Variants in CCDC85A observed in about 807,000 individuals in gnomAD.
CCDC85A encodes the protein coiled-coil domain-containing protein 85A.
A neutral mutation model predicts 50.2 loss-of-function variants in CCDC85A; 38 were observed. The observed-to-expected ratio is 0.76, with a 90% CI of 0.58 to 0.99. CCDC85A has a LOEUF of 0.99. Among genes scored for constraint, CCDC85A ranks in the 50% least tolerant of loss-of-function variants. The probability of loss-of-function intolerance (pLI) is 0.00; values close to 1 mark genes in which losing one functional copy is unlikely to be tolerated. For missense variants in CCDC85A, 820 were observed against 742.0 expected (o/e 1.11, Z -1.22); for synonymous variants, 366 against 301.4 (o/e 1.21, Z -2.22).
At chr2:56,225,394 C>T (rs2103919542) in intron 2 of CCDC85A, among the ~76,000 whole-genome samples, 1 of 152,230 alleles carries the variant, frequency 6.6e-6, no homozygotes, top group Non-Finnish European at 1.5e-5. Flanking sequence ...CCACTGCATT[C>T]CATCCTGTGC....
chr2:56,227,353 C>T (rs1668585195), intron 2 of CCDC85A, among the ~76,000 whole-genome samples: 1 of 152,154 alleles, frequency 6.6e-6, no homozygotes, highest in African/African-American at 2.4e-5. Flanking sequence ...CGGAAGGATA[C>T]ATGTTTTCAG....
chr2:56,350,811 T>C (rs1674887802), intron 3 of CCDC85A, among the ~76,000 whole-genome samples: 1 of 151,040 alleles, frequency 6.6e-6, no homozygotes, highest in Non-Finnish European at 1.5e-5. Flanking sequence ...AGCCATCCTA[T>C]TGATAGATAT....
At chr2:56,331,849 A>G (rs1368738308) in intron 2 of CCDC85A, among the ~76,000 whole-genome samples, 1 of 152,234 alleles carries the variant, frequency 6.6e-6, no homozygotes, top group Non-Finnish European at 1.5e-5. Flanking sequence ...ACAGGGCAAC[A>G]CATAGCTTTG....
intron 2 of CCDC85A, among the ~76,000 whole-genome samples, chr2:56,276,032 AAAG>A (rs773022692): frequency 6.6e-6 from 1 of 152,150 alleles, no homozygotes; most frequent in Admixed American, 6.5e-5. Context: ...TTGGCTCAAG[AAAG>A]AAGGATTTCA....
intron 3 of CCDC85A, among the ~76,000 whole-genome samples, chr2:56,362,099 C>T (rs548570046): frequency 6.6e-6 from 1 of 152,280 alleles, no homozygotes; most frequent in African/African-American, 2.4e-5. Flanking sequence ...AGGTTGGGCA[C>T]TGACAGCCCC....
chr2:56,308,450 G>C (rs1285527805), intron 2 of CCDC85A, among the ~76,000 whole-genome samples: 1 of 152,170 alleles, frequency 6.6e-6, no homozygotes, highest in Non-Finnish European at 1.5e-5. Flanking sequence ...GAGGTGGCAA[G>C]ATGAGCTTTC....
intron 3 of CCDC85A, among the ~76,000 whole-genome samples, chr2:56,366,269 A>G (rs979241541): frequency 4.6e-5 from 7 of 152,178 alleles, no homozygotes; most frequent in African/African-American, 1.7e-4. Context: ...TTTAATGTAT[A>G]CCCAGTAGTG....
chr2:56,299,806 T>C (rs1025890028), intron 2 of CCDC85A, among the ~76,000 whole-genome samples: 6 of 152,166 alleles, frequency 3.9e-5, no homozygotes, highest in Non-Finnish European at 7.3e-5. Context: ...GCCACTGTCC[T>C]CAGGAAATCA....
intron 2 of CCDC85A, among the ~76,000 whole-genome samples, chr2:56,321,544 T>A (rs1558640014): frequency 6.6e-6 from 1 of 152,104 alleles, no homozygotes; most frequent in Non-Finnish European, 1.5e-5. Context: ...CATTCACAAT[T>A]GCTTCAAAGA....
At chr2:56,254,753 A>G (rs1669909693) in intron 2 of CCDC85A, among the ~76,000 whole-genome samples, 2 of 152,216 alleles carry the variant, frequency 1.3e-5, no homozygotes, top group African/African-American at 4.8e-5. Context: ...GACTGGATCT[A>G]GCCAGGGACA....
intron 3 of CCDC85A, among the ~76,000 whole-genome samples, chr2:56,367,307 T>G (rs1675843609): frequency 6.6e-6 from 1 of 152,124 alleles, no homozygotes; most frequent in South Asian, 2.1e-4. Context: ...TTGGAGTAAT[T>G]TCTTATTTGG....
At chr2:56,331,252 G>T (rs2104293029) in intron 2 of CCDC85A, among the ~76,000 whole-genome samples, 1 of 152,194 alleles carries the variant, frequency 6.6e-6, no homozygotes, top group African/African-American at 2.4e-5. Flanking sequence ...GAGAGGGGAT[G>T]AGTGATAAGA....
intron 2 of CCDC85A, among the ~76,000 whole-genome samples, chr2:56,288,778 A>T (rs991827118): frequency 1.3e-5 from 2 of 152,140 alleles, no homozygotes; most frequent in African/African-American, 4.8e-5. Flanking sequence ...ACATCCTAAG[A>T]CCAGAGCACC....
intron 3 of CCDC85A, among the ~76,000 whole-genome samples, chr2:56,348,264 C>T (rs1674729399): frequency 6.6e-6 from 1 of 152,162 alleles, no homozygotes; most frequent in South Asian, 2.1e-4. Context: ...AGACCCTCCC[C>T]AGAACAAACC....
chr2:56,271,330 A>G (rs1670687455), intron 2 of CCDC85A, among the ~76,000 whole-genome samples: 1 of 152,118 alleles, frequency 6.6e-6, no homozygotes, highest in South Asian at 2.1e-4. Context: ...GTGGAATTGG[A>G]TCCAGGAAGC....
At chr2:56,214,445 G>A (rs1677310792) in intron 2 of CCDC85A, among the ~76,000 whole-genome samples, 1 of 152,080 alleles carries the variant, frequency 6.6e-6, no homozygotes, top group East Asian at 1.9e-4. Context: ...CAGTGGTCAC[G>A]TATTTGAAAG....
chr2:56,189,795 A>G (rs1330645802), intron 1 of CCDC85A, among the ~76,000 whole-genome samples: 1 of 152,118 alleles, frequency 6.6e-6, no homozygotes, highest in Non-Finnish European at 1.5e-5. Context: ...CATGAATAGC[A>G]GGGAGTATTT....
chr2:56,374,749 C>T, intron 4 of CCDC85A, among the ~76,000 whole-genome samples: 1 of 152,190 alleles, frequency 6.6e-6, no homozygotes, highest in Non-Finnish European at 1.5e-5. Flanking sequence ...TTGAAGGCTG[C>T]AGTGAACAAT....
intron 2 of CCDC85A, among the ~76,000 whole-genome samples, chr2:56,221,455 G>T (rs191376982): frequency 1.3e-4 from 20 of 151,640 alleles, no homozygotes; most frequent in Admixed American, 1.3e-3. Context: ...TGTTATGTTT[G>T]CACACTTGTC....
Sources: gnomAD v4.1 joint callset for allele counts (sites outside exome capture counted in the v4.1 genomes callset) on GRCh38, gnomAD v4.1.1 for gene constraint, MANE v1.5 for transcripts, NCBI Gene and HGNC (gene_info 2026-07-23, HGNC 2026-07-21) for gene names.